SNX13: variants seen among roughly 807,000 people sequenced by gnomAD.
SNX13 encodes sorting nexin-13.
Under a neutral mutation model 133.6 loss-of-function variants are expected in SNX13, and 45 were observed. The observed-to-expected ratio is 0.34, with a 90% CI of 0.27 to 0.43. The LOEUF (loss-of-function observed/expected upper bound fraction) is 0.43, where lower values mean the gene tolerates loss of function less well. Among genes scored for constraint, SNX13 ranks in the 20% least tolerant of loss-of-function variants. The pLI is 1.00. For missense variants in SNX13, 1,032 were observed against 1,145.1 expected, an observed-to-expected ratio of 0.90 and a Z score of 1.43; for synonymous variants, 414 against 373.9, an observed-to-expected ratio of 1.11 and a Z score of -1.24.
chr7:17,933,549 A>C (rs1255451514), intron 1 of SNX13, among the ~76,000 whole-genome samples: 1 of 152,074 alleles, frequency 6.6e-6, no homozygotes, highest in Non-Finnish European at 1.5e-5. Flanking sequence ...TCTCAGAAAA[A>C]AAAAAAAAAG....
rs1793715501 is a variant in SNX13, at chr7:17,868,863, A to G, written c.754-373T>C. Among the ~76,000 whole-genome samples, 3 of 152,118 alleles carry G rather than the reference A, an allele frequency of 2.0e-5. No individual in the cohort carries two copies. In the South Asian group the frequency reaches 6.2e-4, roughly 31 times the overall value. ...AACAGAAAAGAAAAGGGAAGGATAC[A>G]AACTGATTTTAGAACTACTACCAAG... On this transcript the variant is annotated intron_variant, in intron 8 of 25. Coordinates refer to ENST00000428135, the MANE Select transcript of SNX13 (RefSeq NM_015132.5).
intron 12 of SNX13, among the ~76,000 whole-genome samples, chr7:17,841,713 T>G (rs989567603): frequency 4.0e-5 from 6 of 151,536 alleles, no homozygotes; most frequent in African/African-American, 9.7e-5. Context: ...GATGAAGACT[T>G]TAAAACAACT....
At chr7:17,893,606 TA>T (rs1796873741) in intron 2 of SNX13, among the ~76,000 whole-genome samples, 172 bp from the exon 3 acceptor site, 1 of 152,214 alleles carries the variant, frequency 6.6e-6, no homozygotes, top group African/African-American at 2.4e-5. Flanking sequence ...TTCTGAAGTT[TA>T]AAACAACTAT....
intron 9 of SNX13, among the ~76,000 whole-genome samples, chr7:17,851,363 G>A (rs1217453226): frequency 6.6e-6 from 1 of 152,174 alleles, no homozygotes; most frequent in Non-Finnish European, 1.5e-5. Context: ...TTAAACAGAA[G>A]AGTAACACTC....
At chr7:17,918,116 G>A (rs1488856938) in intron 1 of SNX13, among the ~76,000 whole-genome samples, 1 of 151,938 alleles carries the variant, frequency 6.6e-6, no homozygotes. Flanking sequence ...AAAGAAACTG[G>A]ACTACCTCTC....
chr7:17,845,497 A>C, intron 12 of SNX13, 98 bp downstream of exon 12: 1 of 742,904 alleles, frequency 1.3e-6, no homozygotes, highest in South Asian at 2.0e-5. Flanking sequence ...TATACACTTA[A>C]AAATAGTTGA....
At chr7:17,927,034 T>G (rs376634841) in intron 1 of SNX13, among the ~76,000 whole-genome samples, 13 of 152,114 alleles carry the variant, frequency 8.5e-5, no homozygotes, top group East Asian at 5.8e-4. Context: ...AAAGCAAGAA[T>G]GTAATTTTTC....
At chr7:17,820,265 T>C (rs1037107317) in intron 18 of SNX13, among the ~76,000 whole-genome samples, 5 of 152,174 alleles carry the variant, frequency 3.3e-5, no homozygotes, top group African/African-American at 1.2e-4. Context: ...AATAGAACTC[T>C]TACCAACTCA....
intron 1 of SNX13, among the ~76,000 whole-genome samples, chr7:17,907,632 T>G (rs1396993583): frequency 6.6e-6 from 1 of 151,994 alleles, no homozygotes; most frequent in Non-Finnish European, 1.5e-5. Context: ...CCCCTGAAAA[T>G]AAGCCATGAA....
At chr7:17,824,916 T>G (rs1787710173) in intron 17 of SNX13, among the ~76,000 whole-genome samples, 1 of 151,882 alleles carries the variant, frequency 6.6e-6, no homozygotes, top group East Asian at 1.9e-4. Flanking sequence ...ACTACAGGTG[T>G]GCACCACCAC....
intron 9 of SNX13, among the ~76,000 whole-genome samples, chr7:17,859,994 A>T (rs1228767867): frequency 2.6e-5 from 4 of 152,182 alleles, no homozygotes. Context: ...CCTGTTTTCA[A>T]TTCTTTTGGA....
At chr7:17,921,649 C>A (rs1031932272) in intron 1 of SNX13, among the ~76,000 whole-genome samples, 1 of 152,174 alleles carries the variant, frequency 6.6e-6, no homozygotes, top group Admixed American at 6.5e-5. Flanking sequence ...TGCCCATTAG[C>A]ATTACCTGGG....
In SNX13 at chr7:17,940,301, C is replaced by T. The variant is rs1411718842; in HGVS notation, c.-6G>A. On this transcript the variant is annotated 5_prime_UTR_variant, in exon 1 of 26. Coordinates refer to ENST00000428135, the MANE Select transcript of SNX13 (RefSeq NM_015132.5). Reference sequence around the variant, plus strand: ...CCGCTTACCTCAGTTAACATTATTACACCCCGGGGAAGTGAGGTCCTCCCT... The same window carrying T: ...CCGCTTACCTCAGTTAACATTATTATACCCCGGGGAAGTGAGGTCCTCCCT... 3.2e-6 allele frequency: 5 copies of T among 1,565,918 alleles called. No homozygotes were observed. The highest frequency in any genetic ancestry group is 2.7e-5 in the African/African-American group (2 of 73,630).
intron 18 of SNX13, among the ~76,000 whole-genome samples, chr7:17,816,997 A>G (rs913501330): frequency 6.6e-6 from 1 of 152,222 alleles, no homozygotes; most frequent in African/African-American, 2.4e-5. Flanking sequence ...CAAAATACAG[A>G]TAGTAGTTAT....
At chr7:17,927,130 CTT>C (rs1800836027) in intron 1 of SNX13, among the ~76,000 whole-genome samples, 1 of 151,104 alleles carries the variant, frequency 6.6e-6, no homozygotes, top group Non-Finnish European at 1.5e-5. Context: ...AAACTATGCT[CTT>C]GACATTTTTG....
chr7:17,837,460 T>C (rs924736719), intron 13 of SNX13, among the ~76,000 whole-genome samples: 5 of 152,022 alleles, frequency 3.3e-5, no homozygotes, highest in Non-Finnish European at 7.4e-5. Context: ...TTCAACAAAA[T>C]AATTTGGGAA....
intron 12 of SNX13, among the ~76,000 whole-genome samples, chr7:17,844,181 G>C (rs1790227227): frequency 6.6e-6 from 1 of 151,966 alleles, no homozygotes; most frequent in Admixed American, 6.6e-5. Context: ...ATTTATCCAG[G>C]AGGACAAAAA....
At chr7:17,930,044 C>T (rs1339881341) in intron 1 of SNX13, among the ~76,000 whole-genome samples, 3 of 125,622 alleles carry the variant, frequency 2.4e-5, no homozygotes, top group African/African-American at 8.7e-5. Flanking sequence ...AAACCACTTG[C>T]TATTTACATC....
At chr7:17,875,368 C>G in intron 7 of SNX13, 112 bp downstream of exon 7, 1 of 723,066 alleles carries the variant, frequency 1.4e-6, no homozygotes, top group Non-Finnish European at 2.2e-6. Flanking sequence ...AGCATCTTTA[C>G]TATGCTACCT....
Sources: gnomAD v4.1 joint callset for allele counts (sites outside exome capture counted in the v4.1 genomes callset) on GRCh38, gnomAD v4.1.1 for gene constraint, MANE v1.5 for transcripts, NCBI Gene and HGNC (gene_info 2026-07-23, HGNC 2026-07-21) for gene names.